FTO: variants seen among roughly 807,000 people sequenced by gnomAD.
FTO encodes FTO alpha-ketoglutarate dependent dioxygenase.
FTO carries 47 observed loss-of-function variants against 63.9 expected under a neutral mutation model. The observed-to-expected ratio is 0.74, with a 90% CI of 0.58 to 0.94. The LOEUF (loss-of-function observed/expected upper bound fraction) is 0.94. FTO is among the 40% of genes least tolerant of loss of function. The probability of loss-of-function intolerance (pLI) is 0.00; values close to 1 mark genes in which losing one functional copy is unlikely to be tolerated. For missense variants in FTO, 562 were observed against 618.1 expected, an observed-to-expected ratio of 0.91 and a Z score of 0.96; for synonymous variants, 207 against 224.4, an observed-to-expected ratio of 0.92 and a Z score of 0.69.
intron 7 of FTO, among the ~76,000 whole-genome samples, chr16:53,903,016 AGG>A (rs1426191351): frequency 2.6e-5 from 4 of 152,178 alleles, no homozygotes; most frequent in African/African-American, 4.8e-5. Context: ...AGGGTGGGGC[AGG>A]AGGATCACTT....
At position 53,874,270 on chromosome 16, in the gene FTO, A is replaced by T. The variant is rs900811834; in HGVS notation, c.975+405A>T. On this transcript the variant is annotated intron_variant, in intron 5 of 8. Transcript: ENST00000471389. ...ATGTTGAGAATTTTCATTTCCCTTA[A>T]CTTTTTGGTCAGACTTCTGGGCATG... 2.0e-5 allele frequency among the ~76,000 whole-genome samples: 3 copies of T among 152,064 alleles called. No homozygotes were observed. The East Asian group carries it at 5.8e-4, about 29-fold the overall frequency.
intron 8 of FTO, among the ~76,000 whole-genome samples, chr16:54,013,956 T>G (rs1411282531): frequency 6.6e-6 from 1 of 152,164 alleles, no homozygotes; most frequent in African/African-American, 2.4e-5. Flanking sequence ...AAAAGGACAT[T>G]TGAAAGTCAT....
At chr16:53,774,184 TCTATGACCTTAGGCAAA>T (rs2077407819) in intron 1 of FTO, among the ~76,000 whole-genome samples, 1 of 152,136 alleles carries the variant, frequency 6.6e-6, no homozygotes, top group South Asian at 2.1e-4. Context: ...TAACTTACCC[TCTATGACCTTAGGCAAA>T]CTGTTTGCCG....
At chr16:54,085,659 T>C (rs559207069) in intron 8 of FTO, among the ~76,000 whole-genome samples, 4 of 152,328 alleles carry the variant, frequency 2.6e-5, no homozygotes, top group African/African-American at 9.6e-5. Context: ...AGTGGAATTT[T>C]CTGTAAGTAA....
chr16:53,941,050 T>A (rs1397505668), intron 8 of FTO, among the ~76,000 whole-genome samples: 1 of 152,220 alleles, frequency 6.6e-6, no homozygotes, highest in Non-Finnish European at 1.5e-5. Context: ...AGTATAACAC[T>A]TTGTATAAGT....
chr16:54,104,914 C>T (rs1192132070), intron 8 of FTO, among the ~76,000 whole-genome samples: 1 of 152,224 alleles, frequency 6.6e-6, no homozygotes, highest in East Asian at 1.9e-4. Context: ...CTAGATTGAT[C>T]AGCGAGGTTT....
chr16:53,774,225 A>T (rs149449101), intron 1 of FTO, among the ~76,000 whole-genome samples: 1 of 152,252 alleles, frequency 6.6e-6, no homozygotes, highest in East Asian at 1.9e-4. Context: ...CTGTGCTTTG[A>T]TTCTCTCATT....
rs1482718998 is a variant in FTO, at chr16:53,909,532, C to CAT, written c.1239+20581_1239+20582insAT. 5.6e-5 allele frequency among the ~76,000 whole-genome samples: 4 copies of CAT among 71,192 alleles called. No individual in the cohort carries two copies. In the East Asian group the frequency reaches 1.2e-3, roughly 22 times the overall value. The allele number at this position is 71,192 out of a possible 152,430, so 46.7% of individuals were successfully genotyped here. A position where few individuals can be genotyped will look rare whatever the true frequency, so the allele number is the denominator to read the frequency against. On this transcript the variant is annotated intron_variant, in intron 7 of 8. Coordinates refer to ENST00000471389, the MANE Select transcript of FTO (RefSeq NM_001080432.3). ...GAAAAAGAGGGACAGAGAGCCCCGC[C>CAT]TTTTTTTTTTTTTTTTTTTTTTTTT...
At chr16:53,761,341 A>T (rs1005038734) in intron 1 of FTO, among the ~76,000 whole-genome samples, 8 of 150,750 alleles carry the variant, frequency 5.3e-5, no homozygotes, top group Non-Finnish European at 1.0e-4. Flanking sequence ...GGCTCAAGAG[A>T]TTCTCCCACC....
chr16:53,744,830 C>CT (rs1454981127), intron 1 of FTO, among the ~76,000 whole-genome samples: 7 of 68,388 alleles, frequency 1.0e-4, no homozygotes, highest in Non-Finnish European at 2.8e-5. Flanking sequence ...TTTCTTCCCC[C>CT]CCCCCATATA....
chr16:53,961,394 G>A (rs998113164), intron 8 of FTO, among the ~76,000 whole-genome samples: 2 of 152,146 alleles, frequency 1.3e-5, no homozygotes. Context: ...GTTATTGTGG[G>A]CTGACACTTG....
intron 8 of FTO, among the ~76,000 whole-genome samples, chr16:54,098,311 T>G (rs1478783498): frequency 1.3e-5 from 2 of 152,232 alleles, no homozygotes; most frequent in African/African-American, 2.4e-5. Flanking sequence ...TGTTAGTGAA[T>G]GTTTCTAAAG....
intron 8 of FTO, among the ~76,000 whole-genome samples, chr16:54,091,149 C>G (rs2086375096): frequency 6.6e-6 from 1 of 152,150 alleles, no homozygotes; most frequent in South Asian, 2.1e-4. Context: ...TGTTTGGAGG[C>G]TAGTTACCAC....
intron 4 of FTO, among the ~76,000 whole-genome samples, chr16:53,854,321 C>T (rs972945227): frequency 2.0e-5 from 3 of 151,912 alleles, no homozygotes; most frequent in African/African-American, 7.3e-5. Context: ...TTAAGTAGGT[C>T]CCGTTTATTT....
chr16:53,790,468 G>A (rs1057165383), intron 1 of FTO, among the ~76,000 whole-genome samples: 1 of 151,138 alleles, frequency 6.6e-6, no homozygotes, highest in African/African-American at 2.4e-5. Context: ...TGTAATCCCA[G>A]CACTTTGGGA....
intron 1 of FTO, among the ~76,000 whole-genome samples, chr16:53,777,365 C>T (rs754048759): frequency 2.6e-5 from 4 of 152,168 alleles, no homozygotes; most frequent in South Asian, 4.1e-4. Flanking sequence ...CATGTTGTCA[C>T]AGATGACAGA....
intron 8 of FTO, chr16:54,040,624 A>T (rs1041382965): frequency 2.6e-5 from 4 of 152,334 alleles, no homozygotes; most frequent in Admixed American, 2.6e-4. Context: ...TTGAGCTGAG[A>T]TCTGAAAGAC....
At chr16:53,771,597 A>T (rs1018174723) in intron 1 of FTO, among the ~76,000 whole-genome samples, 1 of 152,092 alleles carries the variant, frequency 6.6e-6, no homozygotes, top group African/African-American at 2.4e-5. Flanking sequence ...GTTACCATAT[A>T]ACCCGGCAAT....
intron 7 of FTO, among the ~76,000 whole-genome samples, chr16:53,894,105 G>A (rs1467872261): frequency 1.3e-5 from 2 of 152,206 alleles, no homozygotes; most frequent in Non-Finnish European, 2.9e-5. Context: ...ATTTAATAAT[G>A]TAACCAGTTT....
Sources: allele counts gnomAD v4.1 joint callset (sites outside exome capture counted in the v4.1 genomes callset), GRCh38; gene constraint gnomAD v4.1.1; transcripts MANE v1.5; gene names NCBI Gene and HGNC (gene_info 2026-07-23, HGNC 2026-07-21).